The following C2CD3 variants were observed in gnomAD, a reference collection of about 807,000 sequenced individuals.
C2CD3 encodes C2 domain-containing protein 3.
C2CD3 carries 148 observed loss-of-function variants against 234.0 expected under a neutral mutation model. The ratio of observed to expected loss-of-function variants is 0.63; its 90% CI spans 0.55 to 0.72. The LOEUF is 0.72. Ranked by LOEUF, C2CD3 falls within the 30% of genes least tolerant of loss-of-function variation. C2CD3 has a pLI of 0.00. For missense variants in C2CD3, 2,577 were observed against 2,811.5 expected (o/e 0.92, Z 1.89); for synonymous variants, 1,000 against 1,035.4 (o/e 0.97, Z 0.66).
At chr11:74,107,355 A>T (rs1488187781) in intron 12 of C2CD3, among the ~76,000 whole-genome samples, 1 of 138,912 alleles carries the variant, frequency 7.2e-6, no homozygotes, top group Non-Finnish European at 1.5e-5. Context: ...CACACACAGA[A>T]ATAAGAAACA....
At chr11:74,022,911 G>C (rs1191367543) in intron 32 of C2CD3, among the ~76,000 whole-genome samples, 2 of 152,360 alleles carry the variant, frequency 1.3e-5, no homozygotes, top group African/African-American at 4.8e-5. Flanking sequence ...AGTAGCATGG[G>C]GTGGGAATTA....
intron 19 of C2CD3, among the ~76,000 whole-genome samples, chr11:74,091,941 C>T (rs1470310945): frequency 6.6e-6 from 1 of 151,924 alleles, no homozygotes; most frequent in African/African-American, 2.4e-5. Flanking sequence ...TTCATCAGAT[C>T]CTCAAAAGGG....
intron 5 of C2CD3, 83 bp downstream of exon 5, chr11:74,138,637 G>T: frequency 9.1e-7 from 1 of 1,093,478 alleles, no homozygotes; most frequent in Non-Finnish European, 1.4e-6. Flanking sequence ...CAAGAGTCTT[G>T]GTTCTCTTTG....
intron 32 of C2CD3, among the ~76,000 whole-genome samples, chr11:74,019,235 C>T (rs112331043): frequency 0.026 from 3,885 of 152,318 alleles, 155 homozygotes; most frequent in African/African-American, 0.087. Flanking sequence ...GTGGCTCAGG[C>T]AACCTGAGAC....
At chr11:74,093,208 C>T (rs1955965757) in intron 18 of C2CD3, among the ~76,000 whole-genome samples, 1 of 150,924 alleles carries the variant, frequency 6.6e-6, no homozygotes, top group Non-Finnish European at 1.5e-5. Context: ...GTTGGTTTGT[C>T]GGTGGTGCAG....
chr11:74,048,353 A>C lies in C2CD3; in HGVS notation c.5362-15T>G. The C allele has an allele frequency of 1.2e-6, 2 of 1,612,940 alleles. No individual in the cohort carries two copies. ...TATATTGGGATCTGTAAACACAACA[A>C]GAAAAATGGTACACTTGTCACCATA... On this transcript the variant is annotated splice_polypyrimidine_tract_variant and intron_variant, in intron 27 of 32. Coordinates refer to ENST00000334126, the MANE Select transcript of C2CD3 (RefSeq NM_001286577.2).
chr11:74,021,605 A>T (rs117292969), intron 32 of C2CD3, among the ~76,000 whole-genome samples: 1 of 152,220 alleles, frequency 6.6e-6, no homozygotes, highest in East Asian at 1.9e-4. Flanking sequence ...AAGTGAAGAA[A>T]GTGTTCAAAG....
At chr11:74,164,382 A>G (rs1441630806) in intron 2 of C2CD3, 1 of 220,454 alleles carries the variant, frequency 4.5e-6, no homozygotes, top group African/African-American at 2.4e-5. Context: ...GAAAGATGTA[A>G]GAGTATGAGG....
chr11:74,150,524 A>AAAAAAAAAC (rs1855561576), intron 3 of C2CD3, among the ~76,000 whole-genome samples: 1 of 59,762 alleles, frequency 1.7e-5, no homozygotes. Context: ...AACAAAAAAA[A>AAAAAAAAAC]AACAAAACAA....
At chr11:74,119,122 CAGGTCTTA>C (rs1418817983) in intron 8 of C2CD3, among the ~76,000 whole-genome samples, 1 of 151,968 alleles carries the variant, frequency 6.6e-6, no homozygotes, top group Non-Finnish European at 1.5e-5. Context: ...GTTGCTCAGG[CAGGTCTTA>C]AACTCCTGGG....
At chr11:74,044,909 G>C (rs1449582393) in intron 28 of C2CD3, among the ~76,000 whole-genome samples, 1 of 151,114 alleles carries the variant, frequency 6.6e-6, no homozygotes, top group African/African-American at 2.4e-5. Flanking sequence ...TTTTTTAATG[G>C]CTGTGAGAGT....
At chr11:74,137,024 TCTTTG>T (rs1957886837) in intron 5 of C2CD3, among the ~76,000 whole-genome samples, 1 of 150,492 alleles carries the variant, frequency 6.6e-6, no homozygotes, top group East Asian at 1.9e-4. Context: ...ACCTTCTTTC[TCTTTG>T]CTTTTTTTTT....
rs73563881 is a variant in C2CD3 at position 74,170,832 on chromosome 11, C to A, written c.-40G>T. 5,272 of 1,614,006 alleles carry A rather than the reference C, an allele frequency of 3.3e-3. 155 individuals carry two copies. In the African/African-American group the frequency reaches 0.063, roughly 19 times the overall value. On this transcript the variant is annotated 5_prime_UTR_variant, in exon 1 of 33. Transcript: ENST00000334126. ...CTTCTTCACCAGCTCAACTCCGTCT[C>A]CAGCACCTAAGCAGTATCCTCCCGC...
chr11:74,073,809 G>A (rs1954909063), intron 24 of C2CD3, among the ~76,000 whole-genome samples: 1 of 152,120 alleles, frequency 6.6e-6, no homozygotes, highest in Admixed American at 6.5e-5. Context: ...GCTAGAGGTT[G>A]CTAAAAATAA....
intron 24 of C2CD3, among the ~76,000 whole-genome samples, chr11:74,069,207 T>G (rs896565901): frequency 6.6e-6 from 1 of 152,198 alleles, no homozygotes; most frequent in Non-Finnish European, 1.5e-5. Context: ...ACACATTCCT[T>G]TTAGCCAAAC....
At chr11:74,014,811 G>A (rs1951820246) in intron 32 of C2CD3, among the ~76,000 whole-genome samples, 1 of 152,200 alleles carries the variant, frequency 6.6e-6, no homozygotes, top group Admixed American at 6.5e-5. Context: ...AAATAGAAGT[G>A]TGGATGGGAA....
At chr11:74,027,239 A>T (rs1622307) in intron 32 of C2CD3, among the ~76,000 whole-genome samples, 9,082 of 151,992 alleles carry the variant, frequency 0.06, 858 homozygotes, top group African/African-American at 0.2. Flanking sequence ...CCCAAGTAGC[A>T]GGGACTATAG....
intron 1 of C2CD3, among the ~76,000 whole-genome samples, 184 bp downstream of exon 1, chr11:74,170,554 A>G: frequency 6.6e-6 from 1 of 152,016 alleles, no homozygotes; most frequent in African/African-American, 2.4e-5. Context: ...CCCCTACCCC[A>G]GCCCCTAATT....
chr11:74,115,209 CAT>C (rs1022876927), intron 9 of C2CD3, among the ~76,000 whole-genome samples: 40 of 151,470 alleles, frequency 2.6e-4, no homozygotes, highest in African/African-American at 6.3e-4. Context: ...CACACACACA[CAT>C]ACATACATAT....
Sources: allele counts gnomAD v4.1 joint callset (sites outside exome capture counted in the v4.1 genomes callset), GRCh38; gene constraint gnomAD v4.1.1; transcripts MANE v1.5; gene names NCBI Gene and HGNC (gene_info 2026-07-23, HGNC 2026-07-21).